KLF17: variants seen among roughly 807,000 people sequenced by gnomAD.
KLF17 encodes the protein Krueppel-like factor 17.
A neutral mutation model predicts 34.2 loss-of-function variants in KLF17; 31 were observed. The observed-to-expected ratio is 0.91, with a 90% confidence interval of 0.68 to 1.22. The LOEUF is 1.22. KLF17 is among the 50% of genes most tolerant of loss of function. The pLI is 0.00. For synonymous variants in KLF17, 179 were observed against 186.7 expected, an observed-to-expected ratio of 0.96 and a Z score of 0.34; for missense variants, 478 against 505.2, an observed-to-expected ratio of 0.95 and a Z score of 0.52.
chr1:44,075,325 A>G, the KLF17 span, among the ~76,000 whole-genome samples: 8 of 152,232 alleles, frequency 5.3e-5, no homozygotes, highest in African/African-American at 1.7e-4. Context: ...AATGTATAGT[A>G]GTGTTATTTA....
the KLF17 span, chr1:44,103,656 T>C: frequency 6.2e-7 from 1 of 1,610,302 alleles, no homozygotes; most frequent in Non-Finnish European, 8.5e-7. Context: ...CAGCTCCTAG[T>C]ACTCACGCAG....
intron 2 of KLF17, 92 bp from the exon 3 acceptor site, chr1:44,130,420 T>G: frequency 6.5e-7 from 1 of 1,539,304 alleles, no homozygotes; most frequent in South Asian, 1.2e-5. Context: ...CCTTCCCTTT[T>G]GAATCCTCAA....
chr1:44,045,592 G>A, the KLF17 span, among the ~76,000 whole-genome samples: 1 of 152,134 alleles, frequency 6.6e-6, no homozygotes, highest in Non-Finnish European at 1.5e-5. Flanking sequence ...TTACACCCTG[G>A]AATTTGGAAA....
the KLF17 span, chr1:44,104,458 T>C: frequency 1.5e-5 from 12 of 801,696 alleles, no homozygotes; most frequent in Admixed American, 1.5e-4. Flanking sequence ...ACCTTGTCGA[T>C]GAAGGAGGCA....
At chr1:44,119,075 G>A (rs2087914944) in intron 1 of KLF17, 87 bp downstream of exon 1, 10 of 979,090 alleles carry the variant, frequency 1.0e-5, no homozygotes, top group South Asian at 1.8e-5. Context: ...GAGGTGAGGC[G>A]GAGGGAAGCA....
chr1:44,060,467 C>CA, the KLF17 span, among the ~76,000 whole-genome samples: 12 of 152,006 alleles, frequency 7.9e-5, no homozygotes, highest in South Asian at 1.3e-3. Context: ...GACTCTGTCT[C>CA]AAAAAAAGAA....
intron 1 of KLF17, among the ~76,000 whole-genome samples, chr1:44,127,692 T>TTCTTTTTCTTTCTTTCTTTCTTTCTTTC (rs753421834): frequency 7.5e-4 from 68 of 90,120 alleles, no homozygotes; most frequent in South Asian, 1.8e-3. Context: ...CTTTCTTTCT[T>TTCTTTTTCTTTCTTTCTTTCTTTCTTTC]TTTCTTTCTT....
upstream of KLF17, among the ~76,000 whole-genome samples, chr1:44,118,562 T>C (rs2087905016): frequency 6.6e-6 from 1 of 151,856 alleles, no homozygotes; most frequent in Non-Finnish European, 1.5e-5. Context: ...GACCTGGGTG[T>C]CCTCAGTCCC....
chr1:44,073,359 A>G, the KLF17 span, among the ~76,000 whole-genome samples: 1,177 of 151,998 alleles, frequency 7.7e-3, 15 homozygotes, highest in African/African-American at 0.027. Flanking sequence ...GGTGCCTGCC[A>G]TCACACCTGG....
chr1:44,128,951 G>A (rs562862888), intron 1 of KLF17, among the ~76,000 whole-genome samples: 11 of 152,108 alleles, frequency 7.2e-5, no homozygotes, highest in South Asian at 6.2e-4. Context: ...GACAGAGGTC[G>A]TGGTGAGCCA....
upstream of KLF17, chr1:44,118,720 G>GC: frequency 2.2e-6 from 1 of 452,008 alleles, no homozygotes; most frequent in Non-Finnish European, 4.0e-6. Context: ...GTGGGTGGCA[G>GC]CCTGGGGCAG....
the KLF17 span, among the ~76,000 whole-genome samples, chr1:44,096,716 A>T: frequency 2.9e-4 from 44 of 152,142 alleles, 1 homozygote; most frequent in African/African-American, 5.8e-4. Context: ...TTTTAAAAAA[A>T]AATTTTTTTA....
chr1:44,118,893 C>T lies in KLF17; in HGVS notation c.-15C>T, dbSNP rs1368871109. The T allele has an allele frequency of 6.2e-7, 1 of 1,606,124 alleles. No homozygotes were observed. Among genetic ancestry groups the T allele is most frequent in the South Asian group, 1.1e-5 (1 of 89,430 alleles). ...CTGTCTCTTCAGTAGAGAGTCTAGACCCCACCCAGTCTTCATGTACGGCCG... is the reference window on the plus strand; with the variant it reads ...CTGTCTCTTCAGTAGAGAGTCTAGATCCCACCCAGTCTTCATGTACGGCCG... On this transcript the variant is annotated 5_prime_UTR_variant, in exon 1 of 4. Coordinates refer to ENST00000372299, the MANE Select transcript of KLF17 (RefSeq NM_173484.4).
intron 1 of KLF17, among the ~76,000 whole-genome samples, chr1:44,125,107 C>T (rs1289065504): frequency 6.6e-6 from 1 of 152,112 alleles, no homozygotes; most frequent in African/African-American, 2.4e-5. Context: ...CATATATTTA[C>T]CCTTATCAGA....
chr1:44,080,484 C>T, the KLF17 span, among the ~76,000 whole-genome samples: 5 of 152,040 alleles, frequency 3.3e-5, no homozygotes, highest in Non-Finnish European at 5.9e-5. Context: ...GTGATATGCC[C>T]GCCTTGGCCT....
At chr1:44,106,013 A>G in the KLF17 span, among the ~76,000 whole-genome samples, 9 of 152,106 alleles carry the variant, frequency 5.9e-5, no homozygotes, top group Non-Finnish European at 1.3e-4. Context: ...GGAAGGAAGG[A>G]AGGGAGGGAG....
At chr1:44,104,175 A>G in the KLF17 span, 1 of 1,058,742 alleles carries the variant, frequency 9.4e-7, no homozygotes, top group Non-Finnish European at 1.5e-6. Context: ...AGCTTCATCC[A>G]CATCCTTCTT....
At chr1:44,104,617 GC>G in the KLF17 span, 1 of 540,848 alleles carries the variant, frequency 1.8e-6, no homozygotes, top group Non-Finnish European at 3.4e-6. Context: ...CATAGCCTCT[GC>G]CCAGGCCAGC....
At chr1:44,130,882 A>G in intron 3 of KLF17, 126 bp downstream of exon 3, 1 of 864,636 alleles carries the variant, frequency 1.2e-6, no homozygotes, top group Non-Finnish European at 1.8e-6. Context: ...TGCACCTTCC[A>G]CCTCCCAGGT....
Sources: gnomAD v4.1 joint callset for allele counts (sites outside exome capture counted in the v4.1 genomes callset) on GRCh38, gnomAD v4.1.1 for gene constraint, MANE v1.5 for transcripts, NCBI Gene and HGNC (gene_info 2026-07-23, HGNC 2026-07-21) for gene names.